TMEM273: variants seen among roughly 807,000 people sequenced by gnomAD.
TMEM273 encodes the protein transmembrane protein 273, also known as chromosome 10 open reading frame 128.
A neutral mutation model predicts 17.9 loss-of-function variants in TMEM273; 19 were observed. The observed-to-expected ratio is 1.06, with a 90% CI of 0.74 to 1.55. The LOEUF is 1.55. TMEM273 is among the 40% of genes most tolerant of loss of function. The pLI, the probability that TMEM273 is intolerant of heterozygous loss-of-function variation, is 0.00. For synonymous variants in TMEM273, 66 were observed against 62.0 expected, an observed-to-expected ratio of 1.07 and a Z score of -0.31; for missense variants, 194 against 155.6, an observed-to-expected ratio of 1.25 and a Z score of -1.31.
intron 1 of TMEM273, among the ~76,000 whole-genome samples, chr10:49,176,168 T>G (rs1360564971): frequency 6.6e-6 from 1 of 152,014 alleles, no homozygotes; most frequent in South Asian, 2.1e-4. Context: ...CAGAGTGAGG[T>G]GCAGGCAGCA....
chr10:49,186,189 C>T (rs1247519715), intron 1 of TMEM273, among the ~76,000 whole-genome samples: 1 of 152,092 alleles, frequency 6.6e-6, no homozygotes, highest in Admixed American at 6.5e-5. Context: ...CTGTAACTAT[C>T]ACTTCATCAC....
intron 1 of TMEM273, among the ~76,000 whole-genome samples, chr10:49,168,580 C>A (rs1846344988): frequency 6.6e-6 from 1 of 151,944 alleles, no homozygotes. Context: ...TGGTCTCGCT[C>A]TGGGCTGCGT....
chr10:49,183,593 G>T (rs1237792191), intron 1 of TMEM273, among the ~76,000 whole-genome samples: 1 of 152,050 alleles, frequency 6.6e-6, no homozygotes, highest in Non-Finnish European at 1.5e-5. Context: ...AAGCAGTTTG[G>T]CATTAGAGCT....
intron 5 of TMEM273, among the ~76,000 whole-genome samples, chr10:49,164,549 T>C (rs1190186689): frequency 6.6e-6 from 1 of 152,234 alleles, no homozygotes; most frequent in Non-Finnish European, 1.5e-5. Flanking sequence ...CAGACTCCTT[T>C]GCTTAACACA....
intron 1 of TMEM273, among the ~76,000 whole-genome samples, chr10:49,177,023 T>G (rs1275493369): frequency 6.6e-6 from 1 of 151,904 alleles, no homozygotes; most frequent in East Asian, 1.9e-4. Context: ...GAGGGGGAGG[T>G]GCAGCCCTGC....
At chr10:49,171,266 A>G (rs1846549486) in intron 1 of TMEM273, among the ~76,000 whole-genome samples, 1 of 152,230 alleles carries the variant, frequency 6.6e-6, no homozygotes, top group Admixed American at 6.5e-5. Flanking sequence ...CACCGACTGC[A>G]TAAGTCTGGC....
intron 3 of TMEM273, 58 bp downstream of exon 3, chr10:49,166,811 T>C (rs1323657646): frequency 5.6e-6 from 9 of 1,605,722 alleles, no homozygotes; most frequent in Non-Finnish European, 7.6e-6. Context: ...CATCACAGAG[T>C]GGCCCTCGGT....
intron 1 of TMEM273, chr10:49,178,359 A>G (rs936341986): frequency 4.4e-6 from 2 of 453,804 alleles, no homozygotes; most frequent in African/African-American, 4.0e-5. Flanking sequence ...ACAAGTGCTA[A>G]TTACTGAGCA....
chr10:49,177,048 G>A (rs115017434), intron 1 of TMEM273, among the ~76,000 whole-genome samples: 5,586 of 152,266 alleles, frequency 0.037, 185 homozygotes, highest in Non-Finnish European at 0.037. Flanking sequence ...TGCCGCCAGG[G>A]GAGGCAGGGT....
At chr10:49,183,975 A>T (rs1163013927) in intron 1 of TMEM273, among the ~76,000 whole-genome samples, 2 of 152,152 alleles carry the variant, frequency 1.3e-5, no homozygotes, top group East Asian at 3.8e-4. Flanking sequence ...TGATTCAAAG[A>T]GAGACAGATG....
chr10:49,159,876 G>C (rs1229013800), intron 6 of TMEM273, among the ~76,000 whole-genome samples: 1 of 152,036 alleles, frequency 6.6e-6, no homozygotes, highest in African/African-American at 2.4e-5. Context: ...CTGTCTAAAG[G>C]GCACAGAGGC....
chr10:49,171,061 C>A (rs1361332992), intron 1 of TMEM273, among the ~76,000 whole-genome samples: 1 of 152,218 alleles, frequency 6.6e-6, no homozygotes, highest in Non-Finnish European at 1.5e-5. Context: ...CCAGCAGGAA[C>A]TGCACTGCAT....
Position 49,166,913 on chromosome 10 carries a change from T to C in TMEM273, c.194A>G (p.Asp65Gly). The stretch of plus-strand genomic sequence containing the variant: ...GCTTTTCAGGTCGGAAGAGTCGTCG[T>C]CAAATAAGTGCCTCCTGATCATGCA... The part of the protein sequence containing the change: ...KICMIRRHLF[D>G]DDSSDLKSTP... Residue 65 changes from aspartate (D) to glycine (G), a missense_variant, in exon 3 of 7, where the codon GAC (aspartate) becomes GGC (glycine). Physicochemically the swap from Asp to Gly is moderately conservative, Grantham distance 94. Coordinates refer to ENST00000374153, the MANE Select transcript of TMEM273 (RefSeq NM_001288740.3). 6.2e-7 allele frequency: 1 copy of C among 1,613,874 alleles called. No homozygotes were observed. The highest frequency in any genetic ancestry group is 1.1e-5 in the South Asian group (1 of 91,052).
intron 1 of TMEM273, 122 bp from the exon 2 acceptor site, chr10:49,168,084 C>G: frequency 5.9e-6 from 7 of 1,195,972 alleles, no homozygotes; most frequent in Non-Finnish European, 8.4e-6. Context: ...AGGTGGGCTC[C>G]CAATTGCCAT....
At chr10:49,176,103 T>C (rs1846946206) in intron 1 of TMEM273, among the ~76,000 whole-genome samples, 1 of 152,176 alleles carries the variant, frequency 6.6e-6, no homozygotes, top group Admixed American at 6.5e-5. Flanking sequence ...CCCAGCTCAG[T>C]GGCCCCATTG....
intron 1 of TMEM273, among the ~76,000 whole-genome samples, chr10:49,186,110 GGAAGAAGAAGAAAAAGAGGAA>G: frequency 1.2e-5 from 1 of 83,492 alleles, no homozygotes; most frequent in South Asian, 3.5e-4. Flanking sequence ...AAGAAGAAGA[GGAAGAAGAAGAAAAAGAGGAA>G]GAAGAAGGAG....
In TMEM273 at chr10:49,165,274, T is replaced by C; in HGVS notation, c.279A>G (p.Gln93=). The change falls in exon 5 of 7, where the codon CAA becomes CAG. Residue 93 remains glutamine, a synonymous_variant. Coordinates refer to ENST00000374153, the MANE Select transcript of TMEM273 (RefSeq NM_001288740.3). ...PLKKRAPRKL[Q]ASTLFSFKSL... is the part of the protein sequence containing the mutation. ...ATTTGAAGGAAAAGAGGGTCGAGGC[T>C]TGCAGCTTTCTGGCAAAGAGCATTC... The C allele has an allele frequency of 1.3e-6, 2 of 1,550,560 alleles. No individual in the cohort carries two copies. The highest frequency in any genetic ancestry group is 2.0e-5 in the Admixed American group (1 of 50,998).
Position 49,167,926 on chromosome 10 carries a change from G to A in TMEM273, c.80C>T (p.Thr27Ile), listed in dbSNP as rs753594857. ...CCACGTACCAATTTCAGCCCCAGGG[G>A]TCTTGCCTGTTGCCAGCACTTGAGC... The part of the protein sequence containing the change: ...GGAQVLATGK[T>I]PGAEIDFKYA... Residue 27 changes from threonine (T) to isoleucine (I), a missense_variant, in exon 2 of 7, where the codon ACC (threonine) becomes ATC (isoleucine). Physicochemically the swap from Thr to Ile is moderately conservative, Grantham distance 89. Coordinates refer to ENST00000374153, the MANE Select transcript of TMEM273 (RefSeq NM_001288740.3). 1 of 1,614,064 alleles carries A rather than the reference G, an allele frequency of 6.2e-7. No homozygotes were observed. Among genetic ancestry groups the A allele is most frequent in the South Asian group, 1.1e-5 (1 of 91,074 alleles).
intron 1 of TMEM273, among the ~76,000 whole-genome samples, chr10:49,176,307 A>G (rs947332490): frequency 1.3e-5 from 2 of 152,200 alleles, no homozygotes; most frequent in Non-Finnish European, 1.5e-5. Flanking sequence ...GTCAGAAAAG[A>G]GGTGGCGCTC....
Sources: allele counts gnomAD v4.1 joint callset (sites outside exome capture counted in the v4.1 genomes callset), GRCh38; gene constraint gnomAD v4.1.1; transcripts MANE v1.5; gene names NCBI Gene and HGNC (gene_info 2026-07-23, HGNC 2026-07-21).